Variants in RPS6KB1 observed in about 807,000 individuals in gnomAD.
RPS6KB1 encodes the protein ribosomal protein S6 kinase B1.
Under a neutral mutation model 70.2 loss-of-function variants are expected in RPS6KB1, and 12 were observed. The observed-to-expected ratio is 0.17, with a 90% CI of 0.11 to 0.28. RPS6KB1 has a LOEUF of 0.28. Ranked by LOEUF, RPS6KB1 falls within the 10% of genes least tolerant of loss-of-function variation. The pLI, the probability that RPS6KB1 is intolerant of heterozygous loss-of-function variation, is 1.00. For synonymous variants in RPS6KB1, 175 were observed against 211.2 expected, an observed-to-expected ratio of 0.83 and a Z score of 1.49; for missense variants, 270 against 646.6, an observed-to-expected ratio of 0.42 and a Z score of 6.32.
intron 4 of RPS6KB1, among the ~76,000 whole-genome samples, chr17:59,917,150 G>T (rs941584533): frequency 6.6e-6 from 1 of 151,880 alleles, no homozygotes. Flanking sequence ...ATAGGGTCTC[G>T]CCCTGTCACC....
intron 1 of RPS6KB1, among the ~76,000 whole-genome samples, chr17:59,895,705 T>A (rs1792140941): frequency 6.6e-6 from 1 of 152,178 alleles, no homozygotes. Flanking sequence ...TGATCTCGGC[T>A]CACTGCAGCC....
chr17:59,935,386 G>C, intron 10 of RPS6KB1, 86 bp downstream of exon 10: 1 of 710,642 alleles, frequency 1.4e-6, no homozygotes. Context: ...TTTGAATAAA[G>C]AGTCATATAT....
Position 59,940,673 on chromosome 17 carries a change from T to C in RPS6KB1, c.1120-163T>C, listed in dbSNP as rs2044523061. On this transcript the variant is annotated intron_variant, in intron 12 of 14. Coordinates refer to ENST00000225577, the MANE Select transcript of RPS6KB1 (RefSeq NM_003161.4). ...GATTTGAAGATGTAATTTGACTCAG[T>C]ACTTTCCACCTACATTTTTTTCTTC... Among the ~76,000 whole-genome samples, 2 of 152,312 alleles carry C rather than the reference T, an allele frequency of 1.3e-5. 1 individual carries two copies. The highest frequency in any genetic ancestry group is 4.1e-4 in the South Asian group (2 of 4,826).
intron 12 of RPS6KB1, among the ~76,000 whole-genome samples, chr17:59,938,026 G>A (rs1804443205): frequency 6.6e-6 from 1 of 151,836 alleles, no homozygotes; most frequent in South Asian, 2.1e-4. Context: ...CAATTGTAAG[G>A]AAGTTAACTG....
At chr17:59,921,600 A>G (rs1158738066) in intron 4 of RPS6KB1, among the ~76,000 whole-genome samples, 2 of 152,150 alleles carry the variant, frequency 1.3e-5, no homozygotes, top group Non-Finnish European at 2.9e-5. Flanking sequence ...AGTTGTTTCA[A>G]TCTGGACATT....
At chr17:59,941,452 G>T (rs940492004) in intron 13 of RPS6KB1, among the ~76,000 whole-genome samples, 1 of 151,616 alleles carries the variant, frequency 6.6e-6, no homozygotes, top group African/African-American at 2.4e-5. Context: ...AGCCTTGTGA[G>T]TACCTGTACC....
At chr17:59,941,567 G>A (rs1258656324) in intron 13 of RPS6KB1, among the ~76,000 whole-genome samples, 1 of 151,606 alleles carries the variant, frequency 6.6e-6, no homozygotes, top group African/African-American at 2.4e-5. Flanking sequence ...GCTTCCCAAA[G>A]TGCCAAAATT....
At chr17:59,899,071 T>G (rs914018086) in intron 1 of RPS6KB1, among the ~76,000 whole-genome samples, 3 of 151,704 alleles carry the variant, frequency 2.0e-5, no homozygotes, top group East Asian at 3.9e-4. Flanking sequence ...GGGCCTGGTG[T>G]CAGGCACCTG....
chr17:59,918,479 C>T (rs941902055), intron 4 of RPS6KB1, among the ~76,000 whole-genome samples: 1 of 151,878 alleles, frequency 6.6e-6, no homozygotes, highest in African/African-American at 2.4e-5. Flanking sequence ...AAGCGATTCT[C>T]CTGCCTCAGC....
In RPS6KB1 at chr17:59,934,040, T is replaced by C. The variant is rs544472993; in HGVS notation, c.689-130T>C. ...CATTTTATGGATGGTACCTTGTTCT[T>C]GACATCTGCAAGAAAATTTGAGGCA... On this transcript the variant is annotated intron_variant, in intron 7 of 14. Transcript: ENST00000225577. The surrounding 1 kb of genome is among the most constrained non-coding windows in gnomAD (Gnocchi z 4.8). The C allele has an allele frequency of 2.5e-4, 171 of 679,572 alleles. 3 individuals carry two copies. In the South Asian group the frequency reaches 3.0e-3, roughly 12 times the overall value. 42.1% of individuals were successfully genotyped at this position (679,572 alleles called of 1,614,324 possible).
At chr17:59,906,103 T>G (rs1024480653) in intron 1 of RPS6KB1, among the ~76,000 whole-genome samples, 18 of 152,220 alleles carry the variant, frequency 1.2e-4, no homozygotes, top group Non-Finnish European at 2.9e-5. Context: ...TCCAACACAT[T>G]TATTGAAAGA....
chr17:59,929,715 C>T (rs1227934449), intron 5 of RPS6KB1, among the ~76,000 whole-genome samples: 3 of 152,116 alleles, frequency 2.0e-5, no homozygotes, highest in Non-Finnish European at 2.9e-5. Flanking sequence ...TCTGAAAATA[C>T]GAAATATGAG....
chr17:59,934,156 A>C lies in RPS6KB1; in HGVS notation c.689-14A>C, dbSNP rs149127625. 803 of 1,460,670 alleles carry C rather than the reference A, an allele frequency of 5.5e-4. 16 individuals are homozygous for C. The East Asian group carries it at 0.014, about 25-fold the overall frequency. The allele number at this position is 1,460,670 out of a possible 1,614,324, so 90.5% of individuals were successfully genotyped here. ...TAATTCGGAGAATAATCATGCTGTA[A>C]TCTTTCATTGTAGGTCATGTGAAAC... On this transcript the variant is annotated splice_polypyrimidine_tract_variant and intron_variant, in intron 7 of 14. Transcript: ENST00000225577. This position sits in a 1 kb window ranked among gnomAD's most constrained non-coding sequence, Gnocchi z 4.8.
At chr17:59,898,939 A>T (rs762888853) in intron 1 of RPS6KB1, among the ~76,000 whole-genome samples, 1 of 150,216 alleles carries the variant, frequency 6.7e-6, no homozygotes, top group Non-Finnish European at 1.5e-5. Flanking sequence ...GGGGTGGCTC[A>T]TGCCTGTAAT....
At position 59,947,458 on chromosome 17, in the gene RPS6KB1, T is replaced by G; in HGVS notation, c.*670T>G. ...ATAATAAAATGCAAATGAATCATTG[T>G]TAACCACAGCTGTGGCTCGTTTGAG... On this transcript the variant is annotated 3_prime_UTR_variant, in exon 15 of 15. Transcript: ENST00000225577. The G allele has an allele frequency of 7.4e-7, 1 of 1,342,716 alleles. No homozygotes were observed. The highest frequency in any genetic ancestry group is 9.6e-7 in the Non-Finnish European group (1 of 1,039,950). 83.2% of individuals were successfully genotyped at this position (1,342,716 alleles called of 1,614,324 possible).
At position 59,893,605 on chromosome 17, in the gene RPS6KB1, C is replaced by T. The variant is rs992413299; in HGVS notation, c.141+280C>T. Among the ~76,000 whole-genome samples the T allele has an allele frequency of 1.3e-5, 2 of 152,154 alleles. No homozygotes were observed. The highest frequency in any genetic ancestry group is 4.8e-5 in the African/African-American group (2 of 41,436). ...ACGGGCGCGTGGTCGATTCCTCGAGCTGTTGGACTTGAGTGTGGCGGGGAG... is the reference window on the plus strand; with the variant it reads ...ACGGGCGCGTGGTCGATTCCTCGAGTTGTTGGACTTGAGTGTGGCGGGGAG... On this transcript the variant is annotated intron_variant, in intron 1 of 14. Transcript: ENST00000225577. The surrounding 1 kb of genome is among the most constrained non-coding windows in gnomAD (Gnocchi z 4.1).
chr17:59,912,850 A>T lies in RPS6KB1; in HGVS notation c.312+46A>T, dbSNP rs763480830. 4 of 1,588,722 alleles carry T rather than the reference A, an allele frequency of 2.5e-6. No homozygotes were observed. The East Asian group carries it at 9.0e-5, about 36-fold the overall frequency. On this transcript the variant is annotated intron_variant, in intron 3 of 14. Coordinates refer to ENST00000225577, the MANE Select transcript of RPS6KB1 (RefSeq NM_003161.4). ...GAGAGCTGTTGTCTGTCTTGAATAG[A>T]TTGATTTTTATGCCCTGGTTCCAGC... is the stretch of plus-strand genomic sequence containing the variant.
chr17:59,935,899 C>T (rs1183248293), intron 10 of RPS6KB1, among the ~76,000 whole-genome samples: 1 of 151,690 alleles, frequency 6.6e-6, no homozygotes. Flanking sequence ...GCAACCTCCA[C>T]CTCCCAGGTT....
chr17:59,931,782 G>C, intron 7 of RPS6KB1, 60 bp downstream of exon 7: 1 of 1,197,108 alleles, frequency 8.4e-7, no homozygotes, highest in East Asian at 2.4e-5. Context: ...CTCCCACATA[G>C]GTCGTGGCCA....
Sources: gnomAD v4.1 joint callset for allele counts (sites outside exome capture counted in the v4.1 genomes callset) on GRCh38, gnomAD v4.1.1 for gene constraint, Gnocchi (gnomAD v3.1) non-coding constraint, MANE v1.5 for transcripts, NCBI Gene and HGNC (gene_info 2026-07-23, HGNC 2026-07-21) for gene names.